Variants in CA5A observed in about 807,000 individuals in gnomAD.
CA5A encodes the protein carbonic anhydrase 5A, also known as carbonic anhydrase 5A, mitochondrial.
In CA5A, 28 loss-of-function variants were observed where a neutral mutation model predicts 37.1. The ratio of observed to expected loss-of-function variants is 0.75; its 90% CI spans 0.56 to 1.03. CA5A has a LOEUF of 1.03. Ranked by LOEUF, CA5A falls within the 50% of genes least tolerant of loss-of-function variation. CA5A has a pLI of 0.00. For synonymous variants in CA5A, 171 were observed against 158.4 expected (o/e 1.08, Z -0.60); for missense variants, 444 against 399.9 (o/e 1.11, Z -0.94).
intron 3 of CA5A, among the ~76,000 whole-genome samples, chr16:87,903,886 A>AT (rs2055917577): frequency 6.6e-6 from 1 of 152,174 alleles, no homozygotes; most frequent in African/African-American, 2.4e-5. Flanking sequence ...ATTTCTTTTC[A>AT]TTTTTTCGTA....
In CA5A at chr16:87,901,935, T is replaced by A. The variant is rs769123644; in HGVS notation, c.595A>T (p.Ile199Phe). Residue 199 changes from isoleucine (I) to phenylalanine (F), a missense_variant, in exon 5 of 7, where the codon ATC (isoleucine) becomes TTC (phenylalanine). Coordinates refer to ENST00000649794, the MANE Select transcript of CA5A (RefSeq NM_001739.2). Reference protein sequence around the residue: ...HHQTLQRLVDILPEIKHKDAR... With the variant: ...HHQTLQRLVDFLPEIKHKDAR... Reference sequence around the variant, plus strand: ...ACCTTATGTTTTATTTCCGGCAAGATGTCCACCAGCCTCTGCAGCGTCTGA... The same window carrying A: ...ACCTTATGTTTTATTTCCGGCAAGAAGTCCACCAGCCTCTGCAGCGTCTGA... 1 of 1,613,612 alleles carries A rather than the reference T, an allele frequency of 6.2e-7. No homozygotes were observed.
At chr16:87,907,219 A>G (rs1026194226) in intron 2 of CA5A, among the ~76,000 whole-genome samples, 4 of 145,868 alleles carry the variant, frequency 2.7e-5, no homozygotes, top group Non-Finnish European at 5.9e-5. Flanking sequence ...CTCTGTCTCA[A>G]AAACAAAACA....
chr16:87,901,873 C>T, intron 5 of CA5A, 39 bp downstream of exon 5: 1 of 1,583,238 alleles, frequency 6.3e-7, no homozygotes, highest in East Asian at 2.3e-5. Flanking sequence ...AGGCGTGAGC[C>T]TCCGCGCCCG....
At chr16:87,885,358 G>C (rs114570031), downstream of CA5A, 2 of 152,744 alleles carry the variant, frequency 1.3e-5, no homozygotes, top group African/African-American at 2.4e-5. Context: ...GCTCAAGCAG[G>C]TATCTGGTGA....
chr16:87,931,274 G>A (rs1201347458), intron 1 of CA5A, among the ~76,000 whole-genome samples: 3 of 151,452 alleles, frequency 2.0e-5, no homozygotes, highest in Admixed American at 6.6e-5. Context: ...ACCACGCCCG[G>A]CTACTTTTTG....
chr16:87,924,468 T>C, intron 2 of CA5A: 2 of 286,360 alleles, frequency 7.0e-6, no homozygotes, highest in Non-Finnish European at 1.0e-5. Flanking sequence ...AGGAGCAGGC[T>C]CAGGCTGGGC....
intron 2 of CA5A, among the ~76,000 whole-genome samples, chr16:87,910,090 AAC>A (rs2056028748): frequency 1.3e-5 from 2 of 152,124 alleles, no homozygotes; most frequent in South Asian, 2.1e-4. Context: ...CTCTAAAACA[AAC>A]AAACAAACAA....
At position 87,926,810 on chromosome 16, in the gene CA5A, A is replaced by G; in HGVS notation, c.278T>C (p.Leu93Pro). Residue 93 changes from leucine (L) to proline (P), a missense_variant, in exon 2 of 7, where the codon CTG becomes CCG. Leu to Pro is a moderately conservative substitution (Grantham distance 98). Coordinates refer to ENST00000649794, the MANE Select transcript of CA5A (RefSeq NM_001739.2). ...LRVSYEAASC[L>P]YIWNTGYLFQ... ...GAGGTAGCCAGTGTTCCAGATGTACAGGCAGGATGCCGCTTCATAGGAGAC... is the reference window on the plus strand; with the variant it reads ...GAGGTAGCCAGTGTTCCAGATGTACGGGCAGGATGCCGCTTCATAGGAGAC... 1 of 1,614,224 alleles carries G rather than the reference A, an allele frequency of 6.2e-7. No individual in the cohort carries two copies. Among genetic ancestry groups the G allele is most frequent in the South Asian group, 1.1e-5 (1 of 91,088 alleles).
At chr16:87,904,714 G>T in intron 3 of CA5A, 72 bp downstream of exon 3, 4 of 946,952 alleles carry the variant, frequency 4.2e-6, no homozygotes, top group East Asian at 2.4e-5. Context: ...CGCATGGCTT[G>T]TTCACCCCCC....
At chr16:87,936,261 T>A in intron 1 of CA5A, 48 bp downstream of exon 1, 1 of 1,380,726 alleles carries the variant, frequency 7.2e-7, no homozygotes, top group South Asian at 1.2e-5. Flanking sequence ...CCCCATCAGC[T>A]AAGACAAGGA....
At chr16:87,908,435 G>C (rs1341300088) in intron 2 of CA5A, among the ~76,000 whole-genome samples, 7 of 152,216 alleles carry the variant, frequency 4.6e-5, no homozygotes, top group Non-Finnish European at 7.3e-5. Flanking sequence ...TGTGTAAAGA[G>C]AGTTACTACA....
At chr16:87,917,822 A>AACACACATGCACACAC (rs2056175912) in intron 2 of CA5A, among the ~76,000 whole-genome samples, 1 of 143,322 alleles carries the variant, frequency 7.0e-6, no homozygotes, top group Non-Finnish European at 1.5e-5. Flanking sequence ...CATGCACACG[A>AACACACATGCACACAC]ACACACATGC....
chr16:87,923,573 C>G, intron 2 of CA5A: 1 of 985,446 alleles, frequency 1.0e-6, no homozygotes. Flanking sequence ...CCCTGTTCCC[C>G]ACTGCATGAG....
downstream of CA5A, chr16:87,885,602 G>C (rs2055641837): frequency 6.5e-6 from 1 of 152,818 alleles, no homozygotes; most frequent in African/African-American, 2.4e-5. Flanking sequence ...CAGCTCCAAA[G>C]TCTCCACCCA....
At chr16:87,916,750 A>G (rs970508962) in intron 2 of CA5A, among the ~76,000 whole-genome samples, 4 of 152,224 alleles carry the variant, frequency 2.6e-5, no homozygotes, top group Non-Finnish European at 5.9e-5. Flanking sequence ...ACAAAAGACC[A>G]CACAGCACAC....
At position 87,931,649 on chromosome 16, in the gene CA5A, C is replaced by T. The variant is rs1442480851; in HGVS notation, c.142+4660G>A. Among the ~76,000 whole-genome samples the T allele has an allele frequency of 4.6e-5, 7 of 152,312 alleles. No homozygotes were observed. In the East Asian group the frequency reaches 9.6e-4, roughly 21 times the overall value. ...GGAAGGCCTGGAGTGCCTTCCCACG[C>T]ATGATAGACGGGGAGGATGCATTTC... On this transcript the variant is annotated intron_variant, in intron 1 of 6. Coordinates refer to ENST00000649794, the MANE Select transcript of CA5A (RefSeq NM_001739.2).
chr16:87,927,021 C>T (rs2056323151), intron 1 of CA5A, 76 bp from the exon 2 acceptor site: 12 of 1,047,108 alleles, frequency 1.1e-5, no homozygotes, highest in Non-Finnish European at 1.5e-5. Flanking sequence ...GGCAGAAACC[C>T]GGCCGCACGA....
chr16:87,900,180 C>T (rs1405879793), intron 5 of CA5A, among the ~76,000 whole-genome samples: 1 of 152,134 alleles, frequency 6.6e-6, no homozygotes, highest in African/African-American at 2.4e-5. Context: ...CTTTTCTTTC[C>T]CACCAAGAGG....
At chr16:87,917,296 G>A (rs3922728) in intron 2 of CA5A, among the ~76,000 whole-genome samples, 5,594 of 152,092 alleles carry the variant, frequency 0.037, 198 homozygotes, top group South Asian at 0.18. Flanking sequence ...CCTCAGTCCC[G>A]CTCCTAATTA....
Sources: allele counts gnomAD v4.1 joint callset (sites outside exome capture counted in the v4.1 genomes callset), GRCh38; gene constraint gnomAD v4.1.1; transcripts MANE v1.5; gene names NCBI Gene and HGNC (gene_info 2026-07-23, HGNC 2026-07-21).